AGO2: variants seen among roughly 807,000 people sequenced by gnomAD.
AGO2 encodes the protein protein argonaute-2.
A neutral mutation model predicts 102.3 loss-of-function variants in AGO2; 5 were observed. The observed-to-expected ratio is 0.05, with a 90% CI of 0.03 to 0.10. The LOEUF is 0.10. AGO2 is among the 10% of genes least tolerant of loss of function. AGO2 has a pLI of 1.00. For synonymous variants in AGO2, 449 were observed against 473.1 expected (o/e 0.95, Z 0.66); for missense variants, 541 against 1,183.7 (o/e 0.46, Z 7.97).
Position 140,572,758 on chromosome 8 carries a change from G to A in AGO2, c.336+54C>T, listed in dbSNP as rs1246326192. 4 of 1,584,556 alleles carry A rather than the reference G, an allele frequency of 2.5e-6. No individual in the cohort carries two copies. In the African/African-American group the frequency reaches 5.4e-5, roughly 21 times the overall value. ...AGGCATGACAGACTTTACAACATGTGTGAGCTTTACTTCACCGTATGTTAC... is the reference window on the plus strand; with the variant it reads ...AGGCATGACAGACTTTACAACATGTATGAGCTTTACTTCACCGTATGTTAC... On this transcript the variant is annotated intron_variant, in intron 3 of 18. Transcript: ENST00000220592.
rs1216071649 is a variant in AGO2, at chr8:140,530,634, A to T, written c.*1410T>A. The T allele has an allele frequency of 1.3e-5, 2 of 152,258 alleles. No individual in the cohort carries two copies. Among genetic ancestry groups the T allele is most frequent in the Non-Finnish European group, 2.9e-5 (2 of 68,062 alleles). The allele number at this position is 152,258 out of a possible 1,614,324, so 9.4% of individuals were successfully genotyped here. A position where few individuals can be genotyped will look rare whatever the true frequency, so the allele number is the denominator to read the frequency against. Reference sequence around the variant, plus strand: ...TGGCAAACCCAAGTCTGGGGCCCCAAATGCAAACCCCAGAAGAACGGCCCA... The same window carrying T: ...TGGCAAACCCAAGTCTGGGGCCCCATATGCAAACCCCAGAAGAACGGCCCA... On this transcript the variant is annotated 3_prime_UTR_variant, in exon 19 of 19. Coordinates refer to ENST00000220592, the MANE Select transcript of AGO2 (RefSeq NM_012154.5).
intron 1 of AGO2, among the ~76,000 whole-genome samples, chr8:140,603,158 C>T (rs1468034734): frequency 6.6e-6 from 1 of 152,166 alleles, no homozygotes. Flanking sequence ...GCCCCCACGG[C>T]GGCGTGGCGG....
In AGO2 at chr8:140,635,607, C is replaced by T; in HGVS notation, c.-101G>A. ...AGGGAGCCGCCGGCCGCACGATCCGCCCCGGCGCGGCCGCCTCGCCAAACA... is the reference window on the plus strand; with the variant it reads ...AGGGAGCCGCCGGCCGCACGATCCGTCCCGGCGCGGCCGCCTCGCCAAACA... On this transcript the variant is annotated 5_prime_UTR_variant, in exon 1 of 19. Transcript: ENST00000220592. The T allele has an allele frequency of 1.2e-6, 1 of 854,474 alleles. No homozygotes were observed. Among genetic ancestry groups the T allele is most frequent in the East Asian group, 1.2e-4 (1 of 8,014 alleles). The allele number at this position is 854,474 out of a possible 1,614,324, so 52.9% of individuals were successfully genotyped here.
intron 3 of AGO2, among the ~76,000 whole-genome samples, chr8:140,564,354 A>C (rs2073247766): frequency 6.7e-6 from 1 of 149,932 alleles, no homozygotes. Flanking sequence ...GGAGGAGGGA[A>C]CAGCTGGGCC....
intron 10 of AGO2, among the ~76,000 whole-genome samples, chr8:140,554,090 G>C (rs1250562259): frequency 6.6e-6 from 1 of 152,230 alleles, no homozygotes; most frequent in Non-Finnish European, 1.5e-5. Context: ...CACTGCCCTT[G>C]CTAACAGCTG....
chr8:140,551,546 G>T, intron 10 of AGO2, 110 bp from the exon 11 acceptor site: 1 of 1,275,200 alleles, frequency 7.8e-7, no homozygotes. Flanking sequence ...CTGCTTCTCA[G>T]GGAAAGAACT....
At chr8:140,549,511 T>A (rs2072958948) in intron 11 of AGO2, among the ~76,000 whole-genome samples, 1 of 152,284 alleles carries the variant, frequency 6.6e-6, no homozygotes, top group African/African-American at 2.4e-5. Context: ...GTGCTAAACA[T>A]ACATGTAACA....
At chr8:140,576,142 G>A (rs12543769) in intron 2 of AGO2, among the ~76,000 whole-genome samples, 2,254 of 152,166 alleles carry the variant, frequency 0.015, 32 homozygotes, top group Middle Eastern at 0.041. Context: ...GTGAAACCCC[G>A]TCTCTACTAA....
chr8:140,607,458 T>TTATATA (rs1167371585), intron 1 of AGO2, among the ~76,000 whole-genome samples: 6 of 69,590 alleles, frequency 8.6e-5, no homozygotes, highest in Non-Finnish European at 1.2e-4. Flanking sequence ...TAAAGAAAAA[T>TTATATA]TATATATATA....
chr8:140,549,109 C>T lies in AGO2; in HGVS notation c.1588+5G>A, dbSNP rs771704597. 1.2e-5 allele frequency: 19 copies of T among 1,598,308 alleles called. No homozygotes were observed. The highest frequency in any genetic ancestry group is 5.5e-5 in the South Asian group (5 of 90,196). ...CCCACAGCCAGCGGGAGCGCCCACA[C>T]CTACCGTACACGGGCGTCTTGCCGG... On this transcript the variant is annotated splice_donor_5th_base_variant and intron_variant, in intron 12 of 18. Coordinates refer to ENST00000220592, the MANE Select transcript of AGO2 (RefSeq NM_012154.5).
In AGO2 at chr8:140,539,717, C is replaced by T. The variant is rs1306535658; in HGVS notation, c.2035-263G>A. ...CAGGAGGTTGTGTGTGTGCAAGGGGCGCAGCCAACGCCAGGGATGCAGGCT... is the reference window on the plus strand; with the variant it reads ...CAGGAGGTTGTGTGTGTGCAAGGGGTGCAGCCAACGCCAGGGATGCAGGCT... On this transcript the variant is annotated intron_variant, in intron 15 of 18. Transcript: ENST00000220592. This position sits in a 1 kb window ranked among gnomAD's most constrained non-coding sequence, Gnocchi z 4.7. 3.3e-5 allele frequency among the ~76,000 whole-genome samples: 5 copies of T among 152,186 alleles called. No homozygotes were observed. The highest frequency in any genetic ancestry group is 2.1e-4 in the South Asian group (1 of 4,832).
intron 1 of AGO2, among the ~76,000 whole-genome samples, chr8:140,621,878 G>C (rs1416436178): frequency 6.6e-6 from 1 of 152,144 alleles, no homozygotes; most frequent in Non-Finnish European, 1.5e-5. Context: ...CAACAGCTAA[G>C]TGGGCCCTCA....
chr8:140,608,622 C>T (rs151080134), intron 1 of AGO2, among the ~76,000 whole-genome samples: 5 of 152,320 alleles, frequency 3.3e-5, no homozygotes, highest in Non-Finnish European at 7.4e-5. Flanking sequence ...GGCAGCACCG[C>T]ATGCCACCTG....
intron 1 of AGO2, among the ~76,000 whole-genome samples, chr8:140,621,825 T>C (rs1163616483): frequency 1.3e-5 from 2 of 152,124 alleles, no homozygotes; most frequent in African/African-American, 4.8e-5. Context: ...AACTGAACCC[T>C]TCGTGAACTG....
chr8:140,560,479 C>T lies in AGO2; in HGVS notation c.550G>A (p.Ala184Thr). The change falls in exon 5 of 19, where the codon GCG becomes ACG. Residue 184 changes from alanine (A) to threonine (T), a missense_variant. This residue lies in a region of AGO2 where 26 missense variants were observed against 52.0 expected (regional missense o/e 0.50). Transcript: ENST00000220592. ...YTPVGRSFFTASEGCSNPLGG... is the reference protein window; with the variant it reads ...YTPVGRSFFTTSEGCSNPLGG... The stretch of plus-strand genomic sequence containing the variant: ...AGAGGGTTAGAGCAGCCTTCGGACG[C>T]GGTGAAGAAGGAGCGGCCCACGGGG... 3 of 1,614,158 alleles carry T rather than the reference C, an allele frequency of 1.9e-6. No homozygotes were observed. The highest frequency in any genetic ancestry group is 2.2e-5 in the East Asian group (1 of 44,886).
chr8:140,587,144 A>C (rs761399846), intron 1 of AGO2, among the ~76,000 whole-genome samples: 3 of 152,150 alleles, frequency 2.0e-5, no homozygotes, highest in Non-Finnish European at 4.4e-5. Flanking sequence ...TATTTCTCCT[A>C]AGAAGCCTTC....
intron 1 of AGO2, among the ~76,000 whole-genome samples, chr8:140,597,480 C>CCCCCCCCCCCCCCCCCCCCCCCCCCCCCA (rs2073864620): frequency 1.5e-5 from 2 of 132,126 alleles, no homozygotes; most frequent in African/African-American, 5.5e-5. Flanking sequence ...CCCCACCCCC[C>CCCCCCCCCCCCCCCCCCCCCCCCCCCCCA]CCCCCCCGCC....
intron 1 of AGO2, among the ~76,000 whole-genome samples, chr8:140,619,429 G>T (rs1381920942): frequency 2.0e-5 from 3 of 152,224 alleles, no homozygotes; most frequent in African/African-American, 7.2e-5. Context: ...CAGCAATGCT[G>T]GGGCCCAGAG....
At chr8:140,616,131 C>T (rs1490098257) in intron 1 of AGO2, among the ~76,000 whole-genome samples, 1 of 152,336 alleles carries the variant, frequency 6.6e-6, no homozygotes, top group East Asian at 1.9e-4. Flanking sequence ...GAGGCTCCCA[C>T]ACCCCATAGT....
Sources: gnomAD v4.1 joint callset for allele counts (sites outside exome capture counted in the v4.1 genomes callset) on GRCh38, gnomAD v4.1.1 for gene constraint, gnomAD v4.1.1 regional missense constraint, Gnocchi (gnomAD v3.1) non-coding constraint, MANE v1.5 for transcripts, NCBI Gene and HGNC (gene_info 2026-07-23, HGNC 2026-07-21) for gene names.